CELF2: variants seen among roughly 807,000 people sequenced by gnomAD.
The protein encoded by CELF2 is CUGBP Elav-like family member 2, also known as CUG triplet repeat RNA-binding protein 2.
In CELF2, 8 loss-of-function variants were observed where a neutral mutation model predicts 62.6. That is an observed-to-expected ratio of 0.13 (90% CI 0.07 to 0.23). The LOEUF is 0.23. CELF2 is among the 10% of genes least tolerant of loss of function. The probability of loss-of-function intolerance (pLI) is 1.00; values close to 1 mark genes in which losing one functional copy is unlikely to be tolerated. For synonymous variants in CELF2, 258 were observed against 250.0 expected (o/e 1.03, Z -0.30); for missense variants, 333 against 671.0 (o/e 0.50, Z 5.56).
intron 1 of CELF2, among the ~76,000 whole-genome samples, chr10:10,841,372 A>C (rs2058675040): frequency 6.6e-6 from 1 of 151,612 alleles, no homozygotes; most frequent in Non-Finnish European, 1.5e-5. Flanking sequence ...TTCATCACCA[A>C]ACCCAAAGTT....
At chr10:10,646,299 C>T in the CELF2 span, among the ~76,000 whole-genome samples, 1 of 152,176 alleles carries the variant, frequency 6.6e-6, no homozygotes, top group African/African-American at 2.4e-5. Context: ...CAGTAAACAT[C>T]CATGAACAAA....
upstream of CELF2, among the ~76,000 whole-genome samples, chr10:10,797,887 A>G (rs1297905182): frequency 3.3e-5 from 5 of 152,228 alleles, no homozygotes; most frequent in South Asian, 1.0e-3. Context: ...AGTACAGGAA[A>G]ACAATACTGC....
the CELF2 span, among the ~76,000 whole-genome samples, chr10:10,726,419 G>T: frequency 6.6e-6 from 1 of 152,154 alleles, no homozygotes; most frequent in Admixed American, 6.5e-5. Flanking sequence ...GAGTTTCTAG[G>T]TCATCAGCTT....
At position 11,296,641 on chromosome 10, in the gene CELF2, A is replaced by G. The variant is rs1221457993; in HGVS notation, c.976+8089A>G. On this transcript the variant is annotated intron_variant, in intron 9 of 12. Coordinates refer to ENST00000633077, the MANE Select transcript of CELF2 (RefSeq NM_001326342.2). The surrounding 1 kb of genome is among the most constrained non-coding windows in gnomAD (Gnocchi z 5.0). Reference sequence around the variant, plus strand: ...GTTCAGATGTGGTTTAATCCCGAGAACCCGTCACCATCAACTAGATGCATT... The same window carrying G: ...GTTCAGATGTGGTTTAATCCCGAGAGCCCGTCACCATCAACTAGATGCATT... 6.6e-6 allele frequency among the ~76,000 whole-genome samples: 1 copy of G among 152,158 alleles called. No homozygotes were observed. The highest frequency in any genetic ancestry group is 1.5e-5 in the Non-Finnish European group (1 of 68,030).
At chr10:10,962,630 C>A (rs1028613572) in intron 2 of CELF2, among the ~76,000 whole-genome samples, 2 of 152,122 alleles carry the variant, frequency 1.3e-5, no homozygotes, top group African/African-American at 4.8e-5. Context: ...GAGGCTGAGG[C>A]GGGAAGTTGG....
At chr10:10,932,919 G>C (rs1304858579) in intron 2 of CELF2, among the ~76,000 whole-genome samples, 4 of 152,110 alleles carry the variant, frequency 2.6e-5, no homozygotes, top group Non-Finnish European at 4.4e-5. Flanking sequence ...TTTGTTAAGA[G>C]AATAATGAAA....
chr10:10,600,378 T>A, the CELF2 span, among the ~76,000 whole-genome samples: 1 of 152,264 alleles, frequency 6.6e-6, no homozygotes, highest in Admixed American at 6.5e-5. Flanking sequence ...TTGTAACATG[T>A]GCCATTGCCA....
the CELF2 span, among the ~76,000 whole-genome samples, chr10:10,527,438 C>T: frequency 1.0e-5 from 1 of 99,542 alleles, no homozygotes; most frequent in Non-Finnish European, 2.1e-5. Context: ...CAGAGCAAAA[C>T]TCTGTCTCAA....
intron 1 of CELF2, among the ~76,000 whole-genome samples, chr10:11,101,114 G>A (rs145144613): frequency 1.4e-4 from 22 of 152,294 alleles, no homozygotes; most frequent in African/African-American, 5.1e-4. Context: ...TATGGAGGGT[G>A]AGAGATGATG....
At chr10:11,024,767 T>C (rs2058870692) in intron 1 of CELF2, among the ~76,000 whole-genome samples, 1 of 152,188 alleles carries the variant, frequency 6.6e-6, no homozygotes, top group African/African-American at 2.4e-5. Context: ...CCAATAGGAC[T>C]GAAGATTTCC....
At chr10:11,187,355 T>G (rs1242547993) in intron 2 of CELF2, among the ~76,000 whole-genome samples, 1 of 152,218 alleles carries the variant, frequency 6.6e-6, no homozygotes, top group African/African-American at 2.4e-5. Context: ...CAGCTTTCTT[T>G]GACTCCTGTT....
At chr10:10,741,627 G>T in the CELF2 span, among the ~76,000 whole-genome samples, 1 of 151,830 alleles carries the variant, frequency 6.6e-6, no homozygotes, top group Non-Finnish European at 1.5e-5. Flanking sequence ...GTTTTGGCAA[G>T]AATGGCATAG....
rs1381487494 is a variant in CELF2, at chr10:10,984,658, G to A, written c.89+64659G>A. On this transcript the variant is annotated intron_variant, in intron 2 of 13. Transcript: ENST00000636488. Reference sequence around the variant, plus strand: ...AAACTTAGTTCAGGAAAGTTAGGCTGACAAATAAATATACTAGGACATCAT... The same window carrying A: ...AAACTTAGTTCAGGAAAGTTAGGCTAACAAATAAATATACTAGGACATCAT... Among the ~76,000 whole-genome samples, 4 of 152,124 alleles carry A rather than the reference G, an allele frequency of 2.6e-5. 1 individual carries two copies. The East Asian group carries it at 7.7e-4, about 29-fold the overall frequency.
rs1591512334 is a variant in CELF2, at chr10:11,321,183, G to T, written c.1097-6G>T. ...TCTCTTCTCTATTGTTGGGTTTTTT[G>T]TAAAGTTGCTCAAATGCTCTCAGGT... On this transcript the variant is annotated splice_polypyrimidine_tract_variant and splice_region_variant and intron_variant, in intron 10 of 12. Coordinates refer to ENST00000633077, the MANE Select transcript of CELF2 (RefSeq NM_001326342.2). This position sits in a 1 kb window ranked among gnomAD's most constrained non-coding sequence, Gnocchi z 6.2. The T allele has an allele frequency of 1.9e-6, 3 of 1,613,806 alleles. No individual in the cohort carries two copies. The highest frequency in any genetic ancestry group is 1.3e-5 in the African/African-American group (1 of 75,006).
chr10:10,970,268 T>C (rs1016442645), intron 2 of CELF2, among the ~76,000 whole-genome samples: 4 of 152,086 alleles, frequency 2.6e-5, no homozygotes, highest in Non-Finnish European at 4.4e-5. Flanking sequence ...GGTTTCACCA[T>C]GTTGGCCAGG....
At chr10:10,712,565 C>T in the CELF2 span, among the ~76,000 whole-genome samples, 1 of 152,120 alleles carries the variant, frequency 6.6e-6, no homozygotes, top group South Asian at 2.1e-4. Flanking sequence ...GTTTCAAATA[C>T]AACCAGCAAT....
the CELF2 span, among the ~76,000 whole-genome samples, chr10:10,722,029 A>T: frequency 5.9e-5 from 9 of 152,216 alleles, no homozygotes; most frequent in Non-Finnish European, 1.2e-4. Flanking sequence ...TTGGCCAGGC[A>T]TGGTGGCTCA....
chr10:11,127,656 A>AT (rs747028377), intron 1 of CELF2, among the ~76,000 whole-genome samples: 4 of 152,112 alleles, frequency 2.6e-5, no homozygotes. Context: ...GATGATGAGT[A>AT]TTTTTTCATG....
intron 1 of CELF2, among the ~76,000 whole-genome samples, chr10:10,892,768 A>G (rs1749726720): frequency 6.6e-6 from 1 of 152,138 alleles, no homozygotes; most frequent in South Asian, 2.1e-4. Flanking sequence ...CCTTGCTCCT[A>G]CGTTTTGTAA....
Sources: gnomAD v4.1 joint callset for allele counts (sites outside exome capture counted in the v4.1 genomes callset) on GRCh38, gnomAD v4.1.1 for gene constraint, Gnocchi (gnomAD v3.1) non-coding constraint, MANE v1.5 for transcripts, NCBI Gene and HGNC (gene_info 2026-07-23, HGNC 2026-07-21) for gene names.